EYS: variants seen among roughly 807,000 people sequenced by gnomAD.
The protein encoded by EYS is protein eyes shut homolog.
EYS carries 250 observed loss-of-function variants against 282.1 expected under a neutral mutation model. The observed-to-expected ratio is 0.89, with a 90% CI of 0.80 to 0.98. EYS has a LOEUF of 0.98. Among genes scored for constraint, EYS ranks in the 50% least tolerant of loss-of-function variants. The pLI is 0.00. For missense variants in EYS, 4,016 were observed against 3,709.0 expected (o/e 1.08, Z -2.15); for synonymous variants, 1,355 against 1,282.9 (o/e 1.06, Z -1.20).
intron 5 of EYS, among the ~76,000 whole-genome samples, chr6:65,416,946 T>C (rs1262973209): frequency 6.6e-6 from 1 of 152,004 alleles, no homozygotes; most frequent in Non-Finnish European, 1.5e-5. Flanking sequence ...GACAGCTAAC[T>C]TGTTTACCTA....
chr6:64,022,957 T>C (rs1234109671), intron 33 of EYS, among the ~76,000 whole-genome samples: 1 of 152,232 alleles, frequency 6.6e-6, no homozygotes, highest in African/African-American at 2.4e-5. Context: ...TTTAGAGATT[T>C]GTCTTTAATT....
In EYS at chr6:64,006,943, C is replaced by T. The variant is rs542016466; in HGVS notation, c.6726-7760G>A. Among the ~76,000 whole-genome samples, 6 of 151,992 alleles carry T rather than the reference C, an allele frequency of 3.9e-5. No individual in the cohort carries two copies. The East Asian group carries it at 1.2e-3, about 29-fold the overall frequency. On this transcript the variant is annotated intron_variant, in intron 33 of 42. Transcript: ENST00000503581. The stretch of plus-strand genomic sequence containing the variant: ...CATTGATGTTCATCGAAGATATTGG[C>T]CTGAAGTTTTCTGTTTTTGTTGCTG...
rs367546647 is a variant in EYS at position 64,361,450 on chromosome 6, AT to A, written c.6078+27239del. Among the ~76,000 whole-genome samples the A allele has an allele frequency of 2.4e-3, 360 of 151,910 alleles. 2 individuals are homozygous for A. Among genetic ancestry groups the A allele is most frequent in the African/African-American group, 8.3e-3 (345 of 41,506 alleles). ...AGGGAAGCATTCACAATGCAGCTTA[AT>A]TTGAAGAAGATAATATAGTCCATAT... On this transcript the variant is annotated intron_variant, in intron 29 of 42. Transcript: ENST00000503581.
chr6:65,377,822 T>A (rs894507620), intron 8 of EYS, among the ~76,000 whole-genome samples: 1 of 152,006 alleles, frequency 6.6e-6, no homozygotes, highest in Admixed American at 6.6e-5. Context: ...ATATACATCC[T>A]CCCAGGAGGA....
intron 31 of EYS, among the ~76,000 whole-genome samples, chr6:64,126,409 C>T (rs1467098913): frequency 6.6e-6 from 1 of 150,920 alleles, no homozygotes; most frequent in Non-Finnish European, 1.5e-5. Context: ...CAAGTCTCCT[C>T]AAGATTTGTG....
intron 22 of EYS, among the ~76,000 whole-genome samples, chr6:64,792,857 CGT>C (rs61516922): frequency 6.7e-5 from 10 of 148,350 alleles, no homozygotes; most frequent in African/African-American, 1.2e-4. Flanking sequence ...GATCTTGACA[CGT>C]GTGTGTGTGT....
chr6:64,152,771 T>G (rs1481463166), intron 31 of EYS, among the ~76,000 whole-genome samples: 2 of 152,180 alleles, frequency 1.3e-5, no homozygotes, highest in African/African-American at 4.8e-5. Context: ...CACAATATCT[T>G]TGACTAAAAA....
intron 22 of EYS, among the ~76,000 whole-genome samples, chr6:64,657,210 G>T (rs1194195247): frequency 2.0e-5 from 3 of 152,066 alleles, no homozygotes; most frequent in South Asian, 2.1e-4. Flanking sequence ...TTGCTTGGTA[G>T]ATCTTCCTCC....
At position 65,361,951 on chromosome 6, in the gene EYS, C is replaced by T. The variant is rs1212724273; in HGVS notation, c.1300-8334G>A. On this transcript the variant is annotated intron_variant, in intron 8 of 42. Transcript: ENST00000503581. ...TTTCATGATTGTGAAGAAATGTACA[C>T]TATTCTAAAACACATACGAGTAACT... Among the ~76,000 whole-genome samples, 3 of 152,208 alleles carry T rather than the reference C, an allele frequency of 2.0e-5. No individual in the cohort carries two copies. The East Asian group carries it at 5.8e-4, about 30-fold the overall frequency.
chr6:63,996,436 A>T (rs930704304), intron 34 of EYS, among the ~76,000 whole-genome samples: 7 of 152,162 alleles, frequency 4.6e-5, no homozygotes, highest in African/African-American at 1.7e-4. Flanking sequence ...GTATATAATT[A>T]ACTGTACACA....
chr6:63,952,238 G>A (rs1368214663), intron 35 of EYS, among the ~76,000 whole-genome samples: 5 of 152,186 alleles, frequency 3.3e-5, no homozygotes. Flanking sequence ...TTCCTCCTAA[G>A]CCATGTCCTA....
chr6:64,878,760 T>C (rs1385462530), intron 19 of EYS, among the ~76,000 whole-genome samples: 1 of 151,894 alleles, frequency 6.6e-6, no homozygotes, highest in Non-Finnish European at 1.5e-5. Context: ...AATAAGGATT[T>C]TTTTTTTTAA....
chr6:63,956,351 C>T (rs1056850397), intron 35 of EYS, among the ~76,000 whole-genome samples: 2 of 152,080 alleles, frequency 1.3e-5, no homozygotes, highest in Non-Finnish European at 2.9e-5. Context: ...CAGAAACAAC[C>T]CCCTTTGACT....
chr6:65,091,869 C>T (rs1024471799), intron 12 of EYS, among the ~76,000 whole-genome samples: 1 of 152,048 alleles, frequency 6.6e-6, no homozygotes. Context: ...AAAAATATAA[C>T]TGCACTGCTG....
chr6:65,331,276 T>A (rs1194718666), intron 11 of EYS: 2 of 625,772 alleles, frequency 3.2e-6, no homozygotes, highest in East Asian at 1.4e-4. Flanking sequence ...TTTAACTCCA[T>A]GCATTATATT....
intron 26 of EYS, among the ~76,000 whole-genome samples, chr6:64,487,159 G>C (rs983940346): frequency 6.6e-6 from 1 of 151,090 alleles, no homozygotes; most frequent in African/African-American, 2.4e-5. Flanking sequence ...TTAATCAAGA[G>C]AGACAGTTTG....
intron 13 of EYS, among the ~76,000 whole-genome samples, chr6:64,999,522 A>G (rs1771389843): frequency 1.3e-5 from 2 of 152,128 alleles, no homozygotes; most frequent in African/African-American, 4.8e-5. Flanking sequence ...ACCCCCATGG[A>G]TCTACGTGAG....
In EYS at chr6:65,065,626, G is replaced by T. The variant is rs1773723204; in HGVS notation, c.2024-7899C>A. ...GGTCTCAATTCCTGACCTGTGATCT[G>T]CCCGCCTCGGCCTCCCAAAGTGCTG... On this transcript the variant is annotated intron_variant, in intron 12 of 42. Coordinates refer to ENST00000503581, the MANE Select transcript of EYS (RefSeq NM_001142800.2). 4.6e-5 allele frequency among the ~76,000 whole-genome samples: 7 copies of T among 151,722 alleles called. No individual in the cohort carries two copies. In the South Asian group the frequency reaches 1.5e-3, roughly 32 times the overall value.
At chr6:63,979,789 CT>C (rs1176531766) in intron 35 of EYS, among the ~76,000 whole-genome samples, 2 of 151,876 alleles carry the variant, frequency 1.3e-5, no homozygotes, top group Non-Finnish European at 2.9e-5. Context: ...ATTTGGACTT[CT>C]CTGAAATGAA....
Sources: gnomAD v4.1 joint callset for allele counts (sites outside exome capture counted in the v4.1 genomes callset) on GRCh38, gnomAD v4.1.1 for gene constraint, MANE v1.5 for transcripts, NCBI Gene and HGNC (gene_info 2026-07-23, HGNC 2026-07-21) for gene names.